Variants in FHIP1A observed in about 807,000 individuals in gnomAD.
FHIP1A encodes the protein FHF complex subunit HOOK-interacting protein 1A.
A neutral mutation model predicts 88.6 loss-of-function variants in FHIP1A; 61 were observed. The observed-to-expected ratio is 0.69, with a 90% confidence interval of 0.56 to 0.85. The LOEUF (loss-of-function observed/expected upper bound fraction) is 0.85, where lower values mean the gene tolerates loss of function less well. Among genes scored for constraint, FHIP1A ranks in the 40% least tolerant of loss-of-function variants. The probability of loss-of-function intolerance (pLI) is 0.00; values close to 1 mark genes in which losing one functional copy is unlikely to be tolerated. For synonymous variants in FHIP1A, 478 were observed against 496.0 expected, an observed-to-expected ratio of 0.96 and a Z score of 0.48; for missense variants, 1,154 against 1,273.5, an observed-to-expected ratio of 0.91 and a Z score of 1.43.
chr4:151,533,934 A>G (rs1208251828), intron 3 of FHIP1A, among the ~76,000 whole-genome samples: 2 of 152,252 alleles, frequency 1.3e-5, no homozygotes, highest in African/African-American at 2.4e-5. Context: ...TCTGAGGCAG[A>G]TATAAACCCA....
chr4:151,545,412 C>G (rs62329084), intron 3 of FHIP1A, among the ~76,000 whole-genome samples: 39,943 of 125,728 alleles, frequency 0.32, 6,036 homozygotes, highest in Middle Eastern at 0.45. Context: ...GAGTCTCGCT[C>G]TATCTCCCAG....
chr4:151,549,513 A>T (rs1672052619), intron 3 of FHIP1A, among the ~76,000 whole-genome samples: 1 of 145,120 alleles, frequency 6.9e-6, no homozygotes, highest in Admixed American at 6.9e-5. Flanking sequence ...AAAAAAAAAT[A>T]GTTACCCTAT....
At chr4:151,603,267 CGCACCACTGCACTCCA>C (rs1481233387) in intron 7 of FHIP1A, among the ~76,000 whole-genome samples, 2 of 151,526 alleles carry the variant, frequency 1.3e-5, no homozygotes, top group Admixed American at 1.3e-4. Context: ...GAGCCAAAAT[CGCACCACTGCACTCCA>C]GCCTGGGCAA....
intron 1 of FHIP1A, among the ~76,000 whole-genome samples, chr4:151,445,861 T>TATATATATATATATATATATATAC (rs1353969075): frequency 7.1e-6 from 1 of 141,742 alleles, no homozygotes; most frequent in East Asian, 2.0e-4. Context: ...TATATATATA[T>TATATATATATATATATATATATAC]ATATATATAT....
chr4:151,535,736 G>A (rs556887169), intron 3 of FHIP1A, among the ~76,000 whole-genome samples: 99 of 152,324 alleles, frequency 6.5e-4, no homozygotes, highest in African/African-American at 2.3e-3. Context: ...TGCCTGGCCT[G>A]TAGAAGGAAT....
At chr4:151,575,878 C>T (rs188644245) in intron 4 of FHIP1A, among the ~76,000 whole-genome samples, 4 of 152,122 alleles carry the variant, frequency 2.6e-5, no homozygotes. Flanking sequence ...ATTCCATAAC[C>T]TAAGTACTTG....
chr4:151,444,113 G>C (rs192939267), intron 1 of FHIP1A, among the ~76,000 whole-genome samples: 85 of 151,608 alleles, frequency 5.6e-4, no homozygotes, highest in Non-Finnish European at 1.0e-3. Flanking sequence ...TTTCGTCTGT[G>C]AGCGCATACT....
At chr4:151,550,599 G>A (rs1169596899) in intron 3 of FHIP1A, among the ~76,000 whole-genome samples, 2 of 152,144 alleles carry the variant, frequency 1.3e-5, no homozygotes, top group Admixed American at 6.5e-5. Context: ...AGTTTGCCTA[G>A]CAAAGGTAAT....
At chr4:151,421,690 G>A (rs1453272239) in intron 1 of FHIP1A, among the ~76,000 whole-genome samples, 8 of 151,928 alleles carry the variant, frequency 5.3e-5, no homozygotes, top group Non-Finnish European at 5.9e-5. Flanking sequence ...GTTAATTGAG[G>A]CTTCCTGTTG....
At chr4:151,411,307 GA>G (rs1732629941) in intron 1 of FHIP1A, among the ~76,000 whole-genome samples, 1 of 143,204 alleles carries the variant, frequency 7.0e-6, no homozygotes, top group South Asian at 2.2e-4. Context: ...GGTAAAATGA[GA>G]AAAAACAAGA....
chr4:151,602,187 G>C (rs1734897600), intron 7 of FHIP1A, among the ~76,000 whole-genome samples: 1 of 152,100 alleles, frequency 6.6e-6, no homozygotes, highest in Non-Finnish European at 1.5e-5. Context: ...GAGGATAGTA[G>C]ACCTCCTCTT....
intron 4 of FHIP1A, among the ~76,000 whole-genome samples, chr4:151,576,000 T>G (rs937402221): frequency 6.6e-5 from 10 of 152,210 alleles, no homozygotes; most frequent in Non-Finnish European, 1.5e-4. Context: ...AAGTCATTGA[T>G]AAATGTTTGG....
chr4:151,538,833 T>C (rs1470485868), intron 3 of FHIP1A, among the ~76,000 whole-genome samples: 2 of 152,204 alleles, frequency 1.3e-5, no homozygotes, highest in African/African-American at 4.8e-5. Flanking sequence ...TTCAAAGGTC[T>C]CCAGATGAAA....
chr4:151,445,471 G>C (rs1728559854), intron 1 of FHIP1A, among the ~76,000 whole-genome samples: 1 of 152,048 alleles, frequency 6.6e-6, no homozygotes, highest in South Asian at 2.1e-4. Context: ...GAGTGGGGGG[G>C]TGGAGGAGTG....
chr4:151,650,301 C>T lies in FHIP1A; in HGVS notation c.2260C>T (p.Gln754Ter). ...CCCGGAGAGCGAGGAGCTCATTGCC[C>T]AGTATGACCAAATCATTAAAGAGCT... is the stretch of plus-strand genomic sequence containing the variant. ...AHPESEELIA[Q>*]YDQIIKELDS... is the part of the protein sequence containing the mutation. The change falls in exon 11 of 14, where the codon CAG (glutamine) becomes TAG (stop). Residue 754 changes from glutamine (Q) to a stop codon, truncating the protein, a stop_gained. Transcript: ENST00000435205. LOFTEE classifies it high-confidence loss of function. 1.3e-6 allele frequency: 2 copies of T among 1,551,678 alleles called. No individual in the cohort carries two copies. Among genetic ancestry groups the T allele is most frequent in the Non-Finnish European group, 1.7e-6 (2 of 1,146,978 alleles).
intron 3 of FHIP1A, among the ~76,000 whole-genome samples, chr4:151,509,888 T>C (rs553540023): frequency 3.1e-4 from 47 of 152,104 alleles, no homozygotes; most frequent in Non-Finnish European, 6.2e-4. Context: ...AAGGAATGAT[T>C]TATCTTTCTT....
At chr4:151,479,031 A>G (rs1729807665) in intron 2 of FHIP1A, among the ~76,000 whole-genome samples, 1 of 152,130 alleles carries the variant, frequency 6.6e-6, no homozygotes, top group Admixed American at 6.6e-5. Flanking sequence ...AAAGAATTGT[A>G]TGAAATTAAT....
chr4:151,637,260 C>G (rs528318925), intron 8 of FHIP1A, among the ~76,000 whole-genome samples: 59 of 152,142 alleles, frequency 3.9e-4, no homozygotes, highest in Admixed American at 2.9e-3. Context: ...ACAGTGTTTT[C>G]TTAGATATGA....
intron 10 of FHIP1A, 39 bp downstream of exon 10, chr4:151,646,787 G>T (rs187648967): frequency 2.1e-6 from 3 of 1,408,962 alleles, no homozygotes; most frequent in Admixed American, 4.0e-5. Flanking sequence ...ACAAAAGGAT[G>T]CCAGTTCCAT....
Sources: allele counts gnomAD v4.1 joint callset (sites outside exome capture counted in the v4.1 genomes callset), GRCh38; gene constraint gnomAD v4.1.1; transcripts MANE v1.5; gene names NCBI Gene and HGNC (gene_info 2026-07-23, HGNC 2026-07-21).